SLC13A3: variants seen among roughly 807,000 people sequenced by gnomAD.
SLC13A3 encodes Na(+)/dicarboxylate cotransporter 3.
A neutral mutation model predicts 59.0 loss-of-function variants in SLC13A3; 40 were observed. The ratio of observed to expected loss-of-function variants is 0.68; its 90% confidence interval spans 0.53 to 0.88. The LOEUF (loss-of-function observed/expected upper bound fraction) is 0.88, where lower values mean the gene tolerates loss of function less well. Among genes scored for constraint, SLC13A3 ranks in the 40% least tolerant of loss-of-function variants. The pLI is 0.00. For synonymous variants in SLC13A3, 317 were observed against 330.3 expected (o/e 0.96, Z 0.44); for missense variants, 699 against 783.2 (o/e 0.89, Z 1.28).
intron 1 of SLC13A3, among the ~76,000 whole-genome samples, chr20:46,658,404 T>C (rs112624767): frequency 0.023 from 3,510 of 152,274 alleles, 51 homozygotes; most frequent in Middle Eastern, 0.048. Flanking sequence ...GATAGATGTG[T>C]TCTGCTGACT....
At chr20:46,589,770 T>C (rs1441703679) in intron 6 of SLC13A3, among the ~76,000 whole-genome samples, 2 of 152,148 alleles carry the variant, frequency 1.3e-5, no homozygotes, top group Non-Finnish European at 2.9e-5. Context: ...TTTCAACAAA[T>C]GGTGCTAGGA....
chr20:46,614,400 G>A (rs938990854), intron 1 of SLC13A3, among the ~76,000 whole-genome samples: 4 of 152,182 alleles, frequency 2.6e-5, no homozygotes, highest in African/African-American at 9.7e-5. Context: ...CAGCACTTCC[G>A]GCATCCTTAT....
chr20:46,648,082 C>T (rs574599514), intron 1 of SLC13A3, among the ~76,000 whole-genome samples: 2 of 152,294 alleles, frequency 1.3e-5, no homozygotes, highest in East Asian at 3.9e-4. Flanking sequence ...AGTTAGTCCA[C>T]CAGCCTCTGT....
intron 6 of SLC13A3, among the ~76,000 whole-genome samples, chr20:46,591,975 A>G (rs2062262255): frequency 6.6e-6 from 1 of 152,220 alleles, no homozygotes; most frequent in East Asian, 1.9e-4. Flanking sequence ...AGAGGCCAAG[A>G]CAAGAAGGAT....
intron 3 of SLC13A3, chr20:46,608,788 G>A: frequency 2.9e-6 from 4 of 1,376,156 alleles, no homozygotes; most frequent in Non-Finnish European, 3.8e-6. Flanking sequence ...ATGGTTTCAT[G>A]GATAATGCTT....
At chr20:46,677,216 A>G (rs2063131368) in intron 1 of SLC13A3, among the ~76,000 whole-genome samples, 1 of 152,198 alleles carries the variant, frequency 6.6e-6, no homozygotes, top group African/African-American at 2.4e-5. Context: ...CTGGCCTCAC[A>G]GCTTTTTATT....
rs1410236151 is a variant in SLC13A3 at position 46,613,796 on chromosome 20, AGGGCAGAGGGGGAAGGAGGCCTGGGCTGG to A, written c.112-100_112-72del. ...AGAAGGGGAAGGAGGCCCAGGGCTC[AGGGCAGAGGGGGAAGGAGGCCTGGGCTGG>A]GGGCAGAGGGGGAAGGAGGCCTGCG... On this transcript the variant is annotated intron_variant, in intron 1 of 12. Transcript: ENST00000279027. The A allele has an allele frequency of 3.5e-5, 34 of 972,622 alleles. No homozygotes were observed. The African/African-American group carries it at 4.1e-4, about 12-fold the overall frequency. 60.2% of individuals were successfully genotyped at this position (972,622 alleles called of 1,614,324 possible).
chr20:46,662,218 A>C (rs2063034819), intron 1 of SLC13A3, among the ~76,000 whole-genome samples: 1 of 152,124 alleles, frequency 6.6e-6, no homozygotes, highest in African/African-American at 2.4e-5. Context: ...CTTTCCATGA[A>C]GTTTTTAAAA....
chr20:46,641,069 G>T (rs1396928217), intron 1 of SLC13A3, among the ~76,000 whole-genome samples: 6 of 152,174 alleles, frequency 3.9e-5, no homozygotes, highest in Admixed American at 3.9e-4. Context: ...GAGGGGCACA[G>T]ATGAGGGATC....
intron 10 of SLC13A3, among the ~76,000 whole-genome samples, chr20:46,573,827 A>C (rs56014630): frequency 0.011 from 1,669 of 152,358 alleles, 12 homozygotes; most frequent in Non-Finnish European, 0.017. Flanking sequence ...CCCAGTGTAC[A>C]CAGTTAACAG....
exon 1 of SLC13A3, chr20:46,684,400 C>G (rs2063170069): frequency 6.6e-6 from 1 of 152,216 alleles, no homozygotes; most frequent in South Asian, 2.1e-4. Context: ...ACTCACAGTT[C>G]AGCATGGCTG....
At chr20:46,585,184 C>G in intron 8 of SLC13A3, 1 of 984,318 alleles carries the variant, frequency 1.0e-6, no homozygotes, top group Non-Finnish European at 1.2e-6. Context: ...GGCAAGTTGT[C>G]CATGATCATA....
chr20:46,600,336 G>A (rs906400614), intron 3 of SLC13A3, among the ~76,000 whole-genome samples: 4 of 146,156 alleles, frequency 2.7e-5, no homozygotes, highest in African/African-American at 1.0e-4. Flanking sequence ...AGGAAGGAAG[G>A]AAGGAAAGGA....
intron 4 of SLC13A3, among the ~76,000 whole-genome samples, chr20:46,597,016 G>C (rs750160849): frequency 1.3e-5 from 2 of 152,058 alleles, no homozygotes; most frequent in Non-Finnish European, 2.9e-5. Context: ...TTGCCCCACT[G>C]CCCTCCAGCC....
At chr20:46,609,086 G>T in intron 3 of SLC13A3, 2 of 1,546,658 alleles carry the variant, frequency 1.3e-6, no homozygotes, top group Non-Finnish European at 1.7e-6. Flanking sequence ...AATCAATGCC[G>T]GGGTTAAACT....
At chr20:46,589,016 C>T in intron 7 of SLC13A3, 144 bp downstream of exon 7, 1 of 697,870 alleles carries the variant, frequency 1.4e-6, no homozygotes, top group Admixed American at 2.7e-5. Context: ...AACCACCTCC[C>T]ATCCTCCATC....
chr20:46,630,294 C>T (rs915815157), intron 1 of SLC13A3, among the ~76,000 whole-genome samples: 35 of 152,338 alleles, frequency 2.3e-4, no homozygotes, highest in Admixed American at 1.9e-3. Flanking sequence ...TCCAACATCC[C>T]GCTTCATGAC....
chr20:46,681,088 G>C (rs1417155031), intron 1 of SLC13A3, among the ~76,000 whole-genome samples: 1 of 152,200 alleles, frequency 6.6e-6, no homozygotes, highest in African/African-American at 2.4e-5. Context: ...GAACGGAAGG[G>C]GCCAGGACAA....
intron 1 of SLC13A3, among the ~76,000 whole-genome samples, chr20:46,650,403 G>A (rs1256565772): frequency 6.6e-6 from 1 of 152,108 alleles, no homozygotes; most frequent in Non-Finnish European, 1.5e-5. Context: ...TCCCCTCTGA[G>A]ACGCGTTGAA....
Sources: gnomAD v4.1 joint callset for allele counts (sites outside exome capture counted in the v4.1 genomes callset) on GRCh38, gnomAD v4.1.1 for gene constraint, MANE v1.5 for transcripts, NCBI Gene and HGNC (gene_info 2026-07-23, HGNC 2026-07-21) for gene names.